Variants in KAZN observed in about 807,000 individuals in gnomAD.
KAZN encodes the protein kazrin, periplakin interacting protein.
In KAZN, 40 loss-of-function variants were observed where a neutral mutation model predicts 87.4. The observed-to-expected ratio is 0.46, with a 90% CI of 0.36 to 0.60. The LOEUF (loss-of-function observed/expected upper bound fraction) is 0.60, where lower values mean the gene tolerates loss of function less well. Among genes scored for constraint, KAZN ranks in the 20% least tolerant of loss-of-function variants. The pLI is 0.00. For missense variants in KAZN, 898 were observed against 1,073.9 expected, an observed-to-expected ratio of 0.84 and a Z score of 2.29; for synonymous variants, 466 against 458.3, an observed-to-expected ratio of 1.02 and a Z score of -0.22.
At chr1:14,004,984 C>G (rs139934329) in intron 1 of KAZN, among the ~76,000 whole-genome samples, 1 of 151,502 alleles carries the variant, frequency 6.6e-6, no homozygotes, top group African/African-American at 2.4e-5. Flanking sequence ...CAGAGAGTCC[C>G]CATCAGCAAG....
Position 14,906,030 on chromosome 1 carries a change from G to A in KAZN, c.227-54654G>A, listed in dbSNP as rs368128984. Among the ~76,000 whole-genome samples, 18 of 151,722 alleles carry A rather than the reference G, an allele frequency of 1.2e-4. No homozygotes were observed. The East Asian group carries it at 1.4e-3, about 11-fold the overall frequency. Reference sequence around the variant, plus strand: ...AAAAATACAAAAATTAGCTGGGTATGGTGGCACATGCCTGTAATCCCAGCT... The same window carrying A: ...AAAAATACAAAAATTAGCTGGGTATAGTGGCACATGCCTGTAATCCCAGCT... On this transcript the variant is annotated intron_variant, in intron 1 of 14. Coordinates refer to ENST00000376030, the MANE Select transcript of KAZN (RefSeq NM_201628.3).
intron 1 of KAZN, among the ~76,000 whole-genome samples, chr1:14,073,874 CT>C (rs1457995536): frequency 1.3e-5 from 2 of 152,112 alleles, no homozygotes; most frequent in Non-Finnish European, 2.9e-5. Context: ...GTGTATGTGT[CT>C]TTATAGTGGA....
chr1:14,632,845 A>G (rs547436815), intron 1 of KAZN, among the ~76,000 whole-genome samples: 1 of 151,882 alleles, frequency 6.6e-6, no homozygotes, highest in East Asian at 1.9e-4. Flanking sequence ...ACCTGAATAC[A>G]TTTGTCACCA....
Position 13,992,173 on chromosome 1 carries a change from T to C in KAZN, c.91+98417T>C, listed in dbSNP as rs1421341720. Among the ~76,000 whole-genome samples, 3 of 152,342 alleles carry C rather than the reference T, an allele frequency of 2.0e-5. No individual in the cohort carries two copies. In the South Asian group the frequency reaches 6.2e-4, roughly 32 times the overall value. ...ACACTTCATGAAAAATATTTTTGTC[T>C]CCCTGCTAGACTGTAGGCACCCCAA... On this transcript the variant is annotated intron_variant, in intron 1 of 16. Coordinates refer to the KAZN transcript ENST00000636203.
chr1:14,046,037 C>T (rs1642055092), intron 1 of KAZN, among the ~76,000 whole-genome samples: 1 of 152,134 alleles, frequency 6.6e-6, no homozygotes. Context: ...CTATGAAAAT[C>T]CTGCTTCTAG....
At chr1:13,988,568 A>G (rs1475279019) in intron 1 of KAZN, among the ~76,000 whole-genome samples, 2 of 152,178 alleles carry the variant, frequency 1.3e-5, no homozygotes, top group African/African-American at 4.8e-5. Context: ...GCTCAAGTCC[A>G]AAAGTGGTGA....
At chr1:14,342,164 G>C (rs141333320) in intron 2 of KAZN, among the ~76,000 whole-genome samples, 1 of 152,092 alleles carries the variant, frequency 6.6e-6, no homozygotes. Context: ...ACATAATCTC[G>C]TTCTTTTTTG....
At chr1:14,406,003 G>A (rs763358961) in intron 2 of KAZN, among the ~76,000 whole-genome samples, 11 of 152,118 alleles carry the variant, frequency 7.2e-5, no homozygotes, top group Non-Finnish European at 1.0e-4. Flanking sequence ...AAAATGAGAA[G>A]TAATGAATAA....
chr1:14,317,931 G>A (rs866623526), intron 2 of KAZN, among the ~76,000 whole-genome samples: 2 of 151,822 alleles, frequency 1.3e-5, no homozygotes, highest in African/African-American at 4.8e-5. Flanking sequence ...ATTTATCTCT[G>A]GGTTATCACA....
chr1:15,110,391 T>TTGTGTG (rs71000363), intron 13 of KAZN, among the ~76,000 whole-genome samples: 5 of 150,812 alleles, frequency 3.3e-5, no homozygotes, highest in Admixed American at 6.6e-5. Flanking sequence ...ATTTGTGTGT[T>TTGTGTG]TGTGTGTGTC....
At chr1:13,952,413 A>T (rs902309664) in intron 1 of KAZN, among the ~76,000 whole-genome samples, 6 of 151,840 alleles carry the variant, frequency 4.0e-5, no homozygotes, top group African/African-American at 1.5e-4. Flanking sequence ...ATTTGGGATG[A>T]TAGGATGAAA....
In KAZN at chr1:14,129,292, C is replaced by A. The variant is rs1450380904; in HGVS notation, c.92-51143C>A. 2.0e-5 allele frequency among the ~76,000 whole-genome samples: 3 copies of A among 152,308 alleles called. No individual in the cohort carries two copies. In the East Asian group the frequency reaches 5.8e-4, roughly 29 times the overall value. On this transcript the variant is annotated intron_variant, in intron 1 of 16. Coordinates refer to the KAZN transcript ENST00000636203. The stretch of plus-strand genomic sequence containing the variant: ...CACACTTTTGGTCTTTGGACCCCAG[C>A]TTTGTGCTCTTCTTTCCCTCTGATA...
intron 2 of KAZN, among the ~76,000 whole-genome samples, chr1:14,272,518 A>G (rs1652028141): frequency 6.6e-6 from 1 of 152,234 alleles, no homozygotes; most frequent in Non-Finnish European, 1.5e-5. Context: ...ATGTTAGTGC[A>G]TGACTTTCAT....
chr1:15,068,199 G>A (rs906916073), intron 8 of KAZN: 31 of 622,808 alleles, frequency 5.0e-5, no homozygotes, highest in Middle Eastern at 7.9e-4. Context: ...CCGGGTGGGA[G>A]GCTCTGCCCC....
At chr1:15,024,151 C>T (rs561234510) in intron 2 of KAZN, among the ~76,000 whole-genome samples, 2 of 152,104 alleles carry the variant, frequency 1.3e-5, no homozygotes, top group African/African-American at 4.8e-5. Flanking sequence ...ACTGAAGCCA[C>T]CAATGCCCAG....
At chr1:13,978,841 C>G (rs1171187535) in intron 1 of KAZN, among the ~76,000 whole-genome samples, 1 of 152,032 alleles carries the variant, frequency 6.6e-6, no homozygotes, top group East Asian at 1.9e-4. Flanking sequence ...GGTGGCATGC[C>G]TATAAGCCTA....
chr1:14,193,480 G>C (rs745796078), intron 2 of KAZN, among the ~76,000 whole-genome samples: 5 of 152,072 alleles, frequency 3.3e-5, no homozygotes, highest in Admixed American at 6.5e-5. Flanking sequence ...GGCTCCCTTA[G>C]AGCCTTTAAA....
chr1:14,171,050 T>A (rs899550875), intron 1 of KAZN, among the ~76,000 whole-genome samples: 1 of 152,298 alleles, frequency 6.6e-6, no homozygotes, highest in East Asian at 1.9e-4. Flanking sequence ...CAAGGTGTGG[T>A]CTTTTGTGTC....
At chr1:14,480,621 A>C (rs1017849621) in intron 2 of KAZN, among the ~76,000 whole-genome samples, 2 of 123,954 alleles carry the variant, frequency 1.6e-5, no homozygotes, top group Admixed American at 9.3e-5. Flanking sequence ...ATGTATAAAA[A>C]TATATGTATA....
Sources: allele counts gnomAD v4.1 joint callset (sites outside exome capture counted in the v4.1 genomes callset), GRCh38; gene constraint gnomAD v4.1.1; transcripts MANE v1.5; gene names NCBI Gene and HGNC (gene_info 2026-07-23, HGNC 2026-07-21).